The following MTX2 variants were observed in gnomAD, a reference collection of about 807,000 sequenced individuals.
The protein encoded by MTX2 is metaxin-2.
MTX2 carries 35 observed loss-of-function variants against 42.3 expected under a neutral mutation model. That is an observed-to-expected ratio of 0.83 (90% CI 0.63 to 1.10). The LOEUF (loss-of-function observed/expected upper bound fraction) is 1.10, where lower values mean the gene tolerates loss of function less well. Among genes scored for constraint, MTX2 ranks in the 50% least tolerant of loss-of-function variants. The probability of loss-of-function intolerance (pLI) is 0.00; values close to 1 mark genes in which losing one functional copy is unlikely to be tolerated. For synonymous variants in MTX2, 119 were observed against 100.9 expected, an observed-to-expected ratio of 1.18 and a Z score of -1.08; for missense variants, 307 against 304.1, an observed-to-expected ratio of 1.01 and a Z score of -0.07.
At chr2:176,312,812 G>A (rs1182519759) in intron 3 of MTX2, among the ~76,000 whole-genome samples, 6 of 138,426 alleles carry the variant, frequency 4.3e-5, no homozygotes, top group Non-Finnish European at 6.0e-5. Context: ...GCAGTGAGCC[G>A]AGATTGCATC....
At chr2:176,276,251 T>C (rs1233458175) in intron 1 of MTX2, among the ~76,000 whole-genome samples, 1 of 152,222 alleles carries the variant, frequency 6.6e-6, no homozygotes, top group Non-Finnish European at 1.5e-5. Context: ...TTTCAAGATA[T>C]ATACATTTGA....
intron 1 of MTX2, among the ~76,000 whole-genome samples, chr2:176,273,564 TG>T (rs1692874602): frequency 6.6e-6 from 1 of 152,214 alleles, no homozygotes; most frequent in African/African-American, 2.4e-5. Context: ...TAAAGATATC[TG>T]GCATCTCTCT....
chr2:176,308,229 T>G (rs567792918), intron 3 of MTX2, among the ~76,000 whole-genome samples: 37 of 152,324 alleles, frequency 2.4e-4, no homozygotes, highest in Non-Finnish European at 4.4e-4. Context: ...TGAACCAGCC[T>G]TGCATCCCAA....
chr2:176,306,219 T>C lies in MTX2; in HGVS notation c.135+8324T>C, dbSNP rs1181275334. On this transcript the variant is annotated intron_variant, in intron 3 of 9. Coordinates refer to ENST00000249442, the MANE Select transcript of MTX2 (RefSeq NM_006554.5). ...GAGTGATGGTTTCCAGCTTCATCCA[T>C]GTCCCTACAAAGGACATGAATTCAT... Among the ~76,000 whole-genome samples the C allele has an allele frequency of 2.0e-5, 3 of 152,218 alleles. No individual in the cohort carries two copies. The East Asian group carries it at 5.8e-4, about 29-fold the overall frequency.
chr2:176,300,819 T>C (rs939367384), intron 3 of MTX2, among the ~76,000 whole-genome samples: 1 of 152,124 alleles, frequency 6.6e-6, no homozygotes, highest in Admixed American at 6.6e-5. Flanking sequence ...TGTTAACATA[T>C]TGAATGTGAG....
At chr2:176,319,151 A>T (rs1418695070) in intron 3 of MTX2, among the ~76,000 whole-genome samples, 1 of 152,218 alleles carries the variant, frequency 6.6e-6, no homozygotes, top group Non-Finnish European at 1.5e-5. Flanking sequence ...ATTATTCATT[A>T]TTATAATTTG....
rs1371864267 is a variant in MTX2 at position 176,333,301 on chromosome 2, A to T, written c.620+2641A>T. Among the ~76,000 whole-genome samples the T allele has an allele frequency of 2.0e-5, 3 of 151,712 alleles. No homozygotes were observed. The East Asian group carries it at 5.8e-4, about 29-fold the overall frequency. Reference sequence around the variant, plus strand: ...TTTTCTCTTCACGTGATATAGCAAGATAATTAAAATTGGAGGTATATGAAG... The same window carrying T: ...TTTTCTCTTCACGTGATATAGCAAGTTAATTAAAATTGGAGGTATATGAAG... On this transcript the variant is annotated intron_variant, in intron 9 of 9. Coordinates refer to ENST00000249442, the MANE Select transcript of MTX2 (RefSeq NM_006554.5).
chr2:176,330,722 T>TG, intron 9 of MTX2, 62 bp downstream of exon 9: 1 of 1,131,562 alleles, frequency 8.8e-7, no homozygotes, highest in Non-Finnish European at 1.3e-6. Flanking sequence ...ATTTCTTTTT[T>TG]TCATAAAAGA....
chr2:176,298,741 T>C (rs987689028), intron 3 of MTX2, among the ~76,000 whole-genome samples: 2 of 152,164 alleles, frequency 1.3e-5, no homozygotes, highest in African/African-American at 4.8e-5. Context: ...AGTAAATGAT[T>C]TGCTGTGTAT....
chr2:176,322,458 C>G (rs1402249605), intron 3 of MTX2, among the ~76,000 whole-genome samples: 1 of 151,914 alleles, frequency 6.6e-6, no homozygotes, highest in African/African-American at 2.4e-5. Flanking sequence ...GTAATTAGAA[C>G]CATTGTAACT....
intron 3 of MTX2, among the ~76,000 whole-genome samples, chr2:176,298,758 A>G (rs542537768): frequency 6.6e-6 from 1 of 152,288 alleles, no homozygotes; most frequent in East Asian, 1.9e-4. Flanking sequence ...GTATAAAATA[A>G]TATTTTCAAT....
chr2:176,293,766 G>C (rs1693378898), intron 1 of MTX2, among the ~76,000 whole-genome samples: 1 of 152,182 alleles, frequency 6.6e-6, no homozygotes, highest in Non-Finnish European at 1.5e-5. Flanking sequence ...CCCAGTCTCA[G>C]GTATTTCTTT....
At chr2:176,300,721 C>T (rs1007377031) in intron 3 of MTX2, among the ~76,000 whole-genome samples, 3 of 151,958 alleles carry the variant, frequency 2.0e-5, no homozygotes, top group Non-Finnish European at 2.9e-5. Flanking sequence ...ACAGCAAACC[C>T]TAAATAGAGC....
chr2:176,275,926 T>C (rs1233594034), intron 1 of MTX2, among the ~76,000 whole-genome samples: 4 of 152,244 alleles, frequency 2.6e-5, no homozygotes, highest in Admixed American at 6.5e-5. Flanking sequence ...TGTTGATTGC[T>C]TCCTTCACGT....
Position 176,337,822 on chromosome 2 carries a change from G to T in MTX2, c.*158G>T. On this transcript the variant is annotated 3_prime_UTR_variant, in exon 10 of 10. Transcript: ENST00000249442. Reference sequence around the variant, plus strand: ...GTATGTGCTTTATATTGTTATTTGTGTATACATTAAAATAATTCTGAATTA... The same window carrying T: ...GTATGTGCTTTATATTGTTATTTGTTTATACATTAAAATAATTCTGAATTA... 1.9e-6 allele frequency: 1 copy of T among 529,910 alleles called. No individual in the cohort carries two copies. 32.8% of individuals were successfully genotyped at this position (529,910 alleles called of 1,614,324 possible). A position where few individuals can be genotyped will look rare whatever the true frequency, so the allele number is the denominator to read the frequency against.
At chr2:176,305,306 TC>T (rs1217910021) in intron 3 of MTX2, among the ~76,000 whole-genome samples, 1 of 152,124 alleles carries the variant, frequency 6.6e-6, no homozygotes, top group African/African-American at 2.4e-5. Context: ...TTGGGAATTT[TC>T]TTGTAAGTAA....
intron 3 of MTX2, among the ~76,000 whole-genome samples, chr2:176,302,047 G>A (rs530101196): frequency 2.0e-5 from 3 of 151,216 alleles, no homozygotes; most frequent in East Asian, 3.9e-4. Flanking sequence ...TGTGCTAGCC[G>A]TTGCACAACA....
intron 9 of MTX2, 60 bp from the exon 10 acceptor site, chr2:176,337,433 T>A (rs1685019151): frequency 7.1e-6 from 10 of 1,414,596 alleles, no homozygotes; most frequent in Middle Eastern, 3.7e-4. Flanking sequence ...GGGCCAACTG[T>A]GTTTTCTATT....
At chr2:176,288,658 G>T (rs187825741) in intron 1 of MTX2, among the ~76,000 whole-genome samples, 16 of 151,414 alleles carry the variant, frequency 1.1e-4, no homozygotes, top group Admixed American at 4.6e-4. Flanking sequence ...CAAATGATAG[G>T]TTTGTGTAGA....
Sources: allele counts gnomAD v4.1 joint callset (sites outside exome capture counted in the v4.1 genomes callset), GRCh38; gene constraint gnomAD v4.1.1; transcripts MANE v1.5; gene names NCBI Gene and HGNC (gene_info 2026-07-23, HGNC 2026-07-21).